Variants in ULK4 observed in about 807,000 individuals in gnomAD.
The protein encoded by ULK4 is unc-51 like kinase 4, also known as inactive serine/threonine-protein kinase ULK4.
A neutral mutation model predicts 160.6 loss-of-function variants in ULK4; 133 were observed. The ratio of observed to expected loss-of-function variants is 0.83; its 90% confidence interval spans 0.72 to 0.96. The LOEUF is 0.96. Among genes scored for constraint, ULK4 ranks in the 40% least tolerant of loss-of-function variants. The probability of loss-of-function intolerance (pLI) is 0.00; values close to 1 mark genes in which losing one functional copy is unlikely to be tolerated. For missense variants in ULK4, 1,580 were observed against 1,499.5 expected, an observed-to-expected ratio of 1.05 and a Z score of -0.89; for synonymous variants, 534 against 539.8, an observed-to-expected ratio of 0.99 and a Z score of 0.15.
chr3:41,863,158 G>A (rs999687020), intron 17 of ULK4, among the ~76,000 whole-genome samples: 2 of 151,926 alleles, frequency 1.3e-5, no homozygotes, highest in African/African-American at 4.8e-5. Context: ...AACTGGTACT[G>A]AAACTACACA....
intron 17 of ULK4, among the ~76,000 whole-genome samples, chr3:41,844,702 A>G (rs2042021145): frequency 6.7e-6 from 1 of 150,354 alleles, no homozygotes; most frequent in Non-Finnish European, 1.5e-5. Context: ...GAGGGCTGTG[A>G]GGGCTGCCAG....
intron 32 of ULK4, among the ~76,000 whole-genome samples, chr3:41,535,672 G>A (rs946169287): frequency 6.0e-5 from 9 of 150,916 alleles, no homozygotes; most frequent in Middle Eastern, 3.2e-3. Context: ...CGTGCTTCAT[G>A]AATCTACACA....
chr3:41,509,480 G>A (rs1343021780), intron 32 of ULK4, among the ~76,000 whole-genome samples: 1 of 152,074 alleles, frequency 6.6e-6, no homozygotes, highest in East Asian at 1.9e-4. Context: ...AAGAACAACT[G>A]GGAAACTCAT....
At chr3:41,831,517 T>G (rs1412416820) in intron 18 of ULK4, among the ~76,000 whole-genome samples, 1 of 132,652 alleles carries the variant, frequency 7.5e-6, no homozygotes, top group Non-Finnish European at 1.6e-5. Flanking sequence ...TATTGTTATT[T>G]TATATATATA....
At chr3:41,773,764 G>A (rs1308159938) in intron 21 of ULK4, among the ~76,000 whole-genome samples, 1 of 152,156 alleles carries the variant, frequency 6.6e-6, no homozygotes, top group South Asian at 2.1e-4. Flanking sequence ...GCATTGCCAA[G>A]TCAATCCTAA....
At chr3:41,334,923 T>C (rs543653423) in intron 35 of ULK4, among the ~76,000 whole-genome samples, 3 of 152,166 alleles carry the variant, frequency 2.0e-5, no homozygotes, top group Admixed American at 6.5e-5. Context: ...CCAAATGTCA[T>C]AGCTAGAGGG....
intron 32 of ULK4, among the ~76,000 whole-genome samples, chr3:41,555,153 TAAG>T (rs2125584062): frequency 6.6e-6 from 1 of 151,980 alleles, no homozygotes; most frequent in African/African-American, 2.4e-5. Flanking sequence ...AAGTTAACAC[TAAG>T]AAGTAAATCC....
chr3:41,432,610 T>C (rs548271894), intron 34 of ULK4, among the ~76,000 whole-genome samples: 1 of 152,178 alleles, frequency 6.6e-6, no homozygotes, highest in Non-Finnish European at 1.5e-5. Context: ...AAGGAGATGA[T>C]ATTTTCATAG....
At chr3:41,652,040 T>C (rs1295538882) in intron 30 of ULK4, among the ~76,000 whole-genome samples, 1 of 152,078 alleles carries the variant, frequency 6.6e-6, no homozygotes, top group Non-Finnish European at 1.5e-5. Flanking sequence ...TATGAAAATA[T>C]GGATTCAAAA....
chr3:41,896,886 AG>A lies in ULK4; in HGVS notation c.1465del (p.Leu489PhefsTer26). On this transcript the variant is annotated frameshift_variant, in exon 15 of 37. Coordinates refer to ENST00000301831, the MANE Select transcript of ULK4 (RefSeq NM_017886.4). LOFTEE classifies it high-confidence loss of function. ...ACCAGCCACCACGCACAAATAGCAA[AG>A]GAGATTCAGCTTGGCTCGGGAGGCC... ...MGASRAKLNL[L>X]CYLCVVAGHQ... 1 of 1,613,580 alleles carries A rather than the reference AG, an allele frequency of 6.2e-7. No homozygotes were observed. Among genetic ancestry groups the A allele is most frequent in the South Asian group, 1.1e-5 (1 of 91,056 alleles).
intron 35 of ULK4, among the ~76,000 whole-genome samples, chr3:41,374,063 T>C (rs963873696): frequency 2.0e-5 from 3 of 152,112 alleles, no homozygotes; most frequent in South Asian, 4.1e-4. Context: ...CCTGGACACA[T>C]ACACCCTCCC....
chr3:41,540,096 T>A (rs1343114403), intron 32 of ULK4, among the ~76,000 whole-genome samples: 1 of 152,080 alleles, frequency 6.6e-6, no homozygotes, highest in Non-Finnish European at 1.5e-5. Flanking sequence ...ATACTTTAAG[T>A]TCTGGGGTAC....
intron 35 of ULK4, among the ~76,000 whole-genome samples, chr3:41,359,122 G>A (rs2081081711): frequency 6.6e-6 from 1 of 152,190 alleles, no homozygotes; most frequent in South Asian, 2.1e-4. Context: ...CTGATGCAAG[G>A]TCTGACTTGG....
intron 32 of ULK4, among the ~76,000 whole-genome samples, chr3:41,464,636 T>A (rs1355939115): frequency 6.6e-6 from 1 of 152,146 alleles, no homozygotes; most frequent in Non-Finnish European, 1.5e-5. Flanking sequence ...CTGTGAGCTG[T>A]AGATAGAAGG....
chr3:41,893,193 G>A (rs1020165676), intron 16 of ULK4, among the ~76,000 whole-genome samples: 7 of 152,170 alleles, frequency 4.6e-5, no homozygotes, highest in Admixed American at 6.5e-5. Flanking sequence ...TTAAGATGAT[G>A]AAAAAGTTTT....
chr3:41,772,258 C>T (rs947308937), intron 21 of ULK4, among the ~76,000 whole-genome samples: 1 of 151,930 alleles, frequency 6.6e-6, no homozygotes, highest in African/African-American at 2.4e-5. Context: ...AAAAACCCTT[C>T]AAAAAAATCA....
At chr3:41,446,499 G>C (rs1169495888) in intron 34 of ULK4, among the ~76,000 whole-genome samples, 1 of 152,042 alleles carries the variant, frequency 6.6e-6, no homozygotes, top group Non-Finnish European at 1.5e-5. Flanking sequence ...ATGATAGACT[G>C]TATTAAGAAA....
intron 34 of ULK4, among the ~76,000 whole-genome samples, chr3:41,427,242 A>G (rs1436278835): frequency 6.6e-6 from 1 of 152,208 alleles, no homozygotes; most frequent in Non-Finnish European, 1.5e-5. Context: ...GTAGACCAAT[A>G]ACAAGTTCTG....
intron 29 of ULK4, among the ~76,000 whole-genome samples, chr3:41,671,475 C>T (rs2035535222): frequency 6.6e-6 from 1 of 151,972 alleles, no homozygotes; most frequent in South Asian, 2.1e-4. Context: ...AAGCCATCAA[C>T]AACACACACA....
Sources: allele counts gnomAD v4.1 joint callset (sites outside exome capture counted in the v4.1 genomes callset), GRCh38; gene constraint gnomAD v4.1.1; transcripts MANE v1.5; gene names NCBI Gene and HGNC (gene_info 2026-07-23, HGNC 2026-07-21).